The following TSNARE1 variants were observed in gnomAD, a reference collection of about 807,000 sequenced individuals.
The protein encoded by TSNARE1 is t-SNARE domain-containing protein 1.
A neutral mutation model predicts 62.0 loss-of-function variants in TSNARE1; 49 were observed. The observed-to-expected ratio is 0.79, with a 90% CI of 0.63 to 1.00. The LOEUF is 1.00. TSNARE1 is among the 50% of genes least tolerant of loss of function. The probability of loss-of-function intolerance (pLI) is 0.00; values close to 1 mark genes in which losing one functional copy is unlikely to be tolerated. For missense variants in TSNARE1, 755 were observed against 700.1 expected, an observed-to-expected ratio of 1.08 and a Z score of -0.88; for synonymous variants, 328 against 294.4, an observed-to-expected ratio of 1.11 and a Z score of -1.17.
intron 13 of TSNARE1, among the ~76,000 whole-genome samples, chr8:142,220,769 C>G (rs1355046070): frequency 2.0e-5 from 3 of 152,206 alleles, no homozygotes; most frequent in African/African-American, 7.2e-5. Context: ...GCAGTGCAGC[C>G]CACCAGGTCT....
At chr8:142,280,092 C>T (rs1021278938) in intron 11 of TSNARE1, 13 of 1,187,970 alleles carry the variant, frequency 1.1e-5, no homozygotes, top group Non-Finnish European at 1.4e-5. Context: ...ACACGCGGTG[C>T]TTTCGGGCAG....
chr8:142,257,373 A>G (rs1412022483), intron 12 of TSNARE1, among the ~76,000 whole-genome samples: 2 of 152,174 alleles, frequency 1.3e-5, no homozygotes, highest in Non-Finnish European at 2.9e-5. Flanking sequence ...AGCCCGAGGC[A>G]TACTGGACAG....
chr8:142,406,393 G>A (rs762236015), upstream of TSNARE1: 8 of 152,276 alleles, frequency 5.3e-5, no homozygotes, highest in Admixed American at 1.3e-4. Flanking sequence ...CCTCAACAAC[G>A]ATGGCTCCTT....
chr8:142,371,878 C>G (rs1344969158), intron 1 of TSNARE1, among the ~76,000 whole-genome samples: 3 of 152,198 alleles, frequency 2.0e-5, no homozygotes, highest in African/African-American at 7.2e-5. Flanking sequence ...CACAGCCACG[C>G]CCATTCATCC....
intron 11 of TSNARE1, among the ~76,000 whole-genome samples, chr8:142,282,548 A>G (rs1298747879): frequency 1.7e-4 from 25 of 149,234 alleles, no homozygotes; most frequent in Admixed American, 1.7e-3. Context: ...CAATGAGCAG[A>G]GGCGGGACCA....
chr8:142,269,792 T>G (rs1217668338), intron 12 of TSNARE1: 1 of 985,288 alleles, frequency 1.0e-6, no homozygotes, highest in Non-Finnish European at 1.2e-6. Context: ...AGCAGCACCA[T>G]GCGCACCCAT....
intron 11 of TSNARE1, among the ~76,000 whole-genome samples, chr8:142,281,766 G>C (rs959159025): frequency 2.0e-5 from 3 of 152,068 alleles, no homozygotes; most frequent in African/African-American, 7.2e-5. Context: ...GGTGGGCCTG[G>C]GCGGGGTCAC....
intron 12 of TSNARE1, among the ~76,000 whole-genome samples, chr8:142,230,832 C>T (rs1350237627): frequency 6.6e-6 from 1 of 151,872 alleles, no homozygotes; most frequent in African/African-American, 2.4e-5. Context: ...ATCCACCCAC[C>T]TATCCATCCA....
At chr8:142,364,026 A>C (rs1392126074) in intron 1 of TSNARE1, among the ~76,000 whole-genome samples, 1 of 152,208 alleles carries the variant, frequency 6.6e-6, no homozygotes. Flanking sequence ...CTCAATTTTT[A>C]AAAGGAGAAA....
intron 1 of TSNARE1, among the ~76,000 whole-genome samples, chr8:142,370,635 C>A (rs551998183): frequency 6.6e-6 from 1 of 151,758 alleles, no homozygotes; most frequent in African/African-American, 2.4e-5. Flanking sequence ...AAAATAAATA[C>A]TAAATAAAAA....
intron 12 of TSNARE1, among the ~76,000 whole-genome samples, chr8:142,237,336 T>C (rs2130149420): frequency 6.6e-6 from 1 of 152,328 alleles, no homozygotes; most frequent in South Asian, 2.1e-4. Flanking sequence ...CAGGCCTGTG[T>C]CCCCAGCCCT....
chr8:142,313,979 A>G (rs573059690), intron 9 of TSNARE1, among the ~76,000 whole-genome samples: 1 of 152,280 alleles, frequency 6.6e-6, no homozygotes, highest in African/African-American at 2.4e-5. Context: ...GGTTGTCTCC[A>G]TGTTGGCCAG....
chr8:142,234,063 A>C (rs1817264400), intron 12 of TSNARE1, among the ~76,000 whole-genome samples: 1 of 152,228 alleles, frequency 6.6e-6, no homozygotes, highest in Admixed American at 6.5e-5. Flanking sequence ...AGAGAGGAGA[A>C]AACAAGTGAC....
At chr8:142,368,424 G>A (rs1251228918) in intron 1 of TSNARE1, among the ~76,000 whole-genome samples, 1 of 151,898 alleles carries the variant, frequency 6.6e-6, no homozygotes, top group Non-Finnish European at 1.5e-5. Flanking sequence ...CTAGGAAGCT[G>A]GAGAGAGTGC....
chr8:142,271,954 C>G (rs1563798155), intron 12 of TSNARE1, among the ~76,000 whole-genome samples: 1 of 152,134 alleles, frequency 6.6e-6, no homozygotes, highest in East Asian at 1.9e-4. Context: ...CCACTCATCA[C>G]AGCACCACTT....
At position 142,317,818 on chromosome 8, in the gene TSNARE1, C is replaced by T. The variant is rs1046448297; in HGVS notation, c.984+726G>A. The stretch of plus-strand genomic sequence containing the variant: ...ACTAAAAACACAAAAATTAGCTGGG[C>T]ATGGTGACGGGCGCCTGTAATCTCA... On this transcript the variant is annotated intron_variant, in intron 7 of 13. Transcript: ENST00000524325. 2.2e-4 allele frequency among the ~76,000 whole-genome samples: 33 copies of T among 152,280 alleles called. 1 individual carries two copies. The highest frequency in any genetic ancestry group is 7.7e-4 in the African/African-American group (32 of 41,564).
chr8:142,345,931 C>T, intron 2 of TSNARE1, 39 bp from the exon 3 acceptor site: 1 of 1,588,094 alleles, frequency 6.3e-7, no homozygotes, highest in Non-Finnish European at 8.6e-7. Context: ...ACTCTCAGCT[C>T]AGGGCGCTCC....
chr8:142,220,744 C>T (rs879395086), intron 13 of TSNARE1, among the ~76,000 whole-genome samples: 4 of 152,210 alleles, frequency 2.6e-5, no homozygotes, highest in Non-Finnish European at 2.9e-5. Context: ...CCTCGCACAG[C>T]GCCCCAGCCG....
chr8:142,331,166 C>G (rs947624795), intron 5 of TSNARE1, among the ~76,000 whole-genome samples, 196 bp from the exon 6 acceptor site: 5 of 152,246 alleles, frequency 3.3e-5, no homozygotes, highest in Admixed American at 3.3e-4. Flanking sequence ...CCCGCCAGAA[C>G]CCCTCCCCAG....
Sources: gnomAD v4.1 joint callset for allele counts (sites outside exome capture counted in the v4.1 genomes callset) on GRCh38, gnomAD v4.1.1 for gene constraint, MANE v1.5 for transcripts, NCBI Gene and HGNC (gene_info 2026-07-23, HGNC 2026-07-21) for gene names.